Variants in RNGTT observed in about 807,000 individuals in gnomAD.
The protein encoded by RNGTT is mRNA-capping enzyme.
A neutral mutation model predicts 79.3 loss-of-function variants in RNGTT; 33 were observed. The observed-to-expected ratio is 0.42, with a 90% CI of 0.32 to 0.56. The LOEUF (loss-of-function observed/expected upper bound fraction) is 0.56, where lower values mean the gene tolerates loss of function less well. Among genes scored for constraint, RNGTT ranks in the 20% least tolerant of loss-of-function variants. The probability of loss-of-function intolerance (pLI) is 0.17; values close to 1 mark genes in which losing one functional copy is unlikely to be tolerated. For missense variants in RNGTT, 497 were observed against 739.1 expected (o/e 0.67, Z 3.80); for synonymous variants, 222 against 235.9 (o/e 0.94, Z 0.54).
intron 6 of RNGTT, among the ~76,000 whole-genome samples, chr6:88,901,021 A>G (rs144565937): frequency 0.022 from 3,309 of 151,792 alleles, 121 homozygotes; most frequent in African/African-American, 0.076. Context: ...GCACACCTGT[A>G]ATCCTAGCTA....
intron 12 of RNGTT, among the ~76,000 whole-genome samples, chr6:88,780,642 C>T (rs1025389403): frequency 6.7e-6 from 1 of 148,688 alleles, no homozygotes; most frequent in South Asian, 2.1e-4. Context: ...CAAAAAAAAA[C>T]TGGGGATATG....
chr6:88,637,308 T>C (rs1249829853), intron 14 of RNGTT, among the ~76,000 whole-genome samples: 1 of 152,096 alleles, frequency 6.6e-6, no homozygotes, highest in Non-Finnish European at 1.5e-5. Context: ...ATTCAATATA[T>C]TCTTTAGCAT....
chr6:88,923,283 G>A (rs891391935), intron 4 of RNGTT, among the ~76,000 whole-genome samples: 1 of 152,132 alleles, frequency 6.6e-6, no homozygotes, highest in African/African-American at 2.4e-5. Flanking sequence ...TGTTACCAAG[G>A]GAAGCTGTGG....
chr6:88,747,090 T>C (rs1211093413), intron 13 of RNGTT, among the ~76,000 whole-genome samples: 3 of 152,064 alleles, frequency 2.0e-5, no homozygotes, highest in African/African-American at 7.2e-5. Flanking sequence ...GGGTTAAGGG[T>C]CATTATAGTA....
intron 4 of RNGTT, among the ~76,000 whole-genome samples, chr6:88,917,260 G>C (rs1334321639): frequency 6.6e-6 from 1 of 151,874 alleles, no homozygotes; most frequent in African/African-American, 2.4e-5. Context: ...TACATTCCTG[G>C]TATAATAAAA....
At chr6:88,681,138 G>A (rs910708788) in intron 13 of RNGTT, among the ~76,000 whole-genome samples, 31 of 152,016 alleles carry the variant, frequency 2.0e-4, no homozygotes, top group African/African-American at 7.2e-4. Flanking sequence ...ACCTCCTTTA[G>A]CAGCAGGAAC....
rs1772064830 is a variant in RNGTT at position 88,612,576 on chromosome 6, A to G, written c.*143T>C. 7.8e-6 allele frequency: 7 copies of G among 893,794 alleles called. No individual in the cohort carries two copies. In the East Asian group the frequency reaches 1.5e-4, roughly 19 times the overall value. The allele number at this position is 893,794 out of a possible 1,614,324, so 55.4% of individuals were successfully genotyped here. ...ATCAAGTATTTACAGGCTGGCTACG[A>G]TAACTTTCTTTTTTTAAAAAAAATT... On this transcript the variant is annotated 3_prime_UTR_variant, in exon 16 of 16. Coordinates refer to ENST00000369485, the MANE Select transcript of RNGTT (RefSeq NM_003800.5).
intron 8 of RNGTT, among the ~76,000 whole-genome samples, chr6:88,855,511 AG>A (rs1781816175): frequency 1.3e-5 from 2 of 151,210 alleles, no homozygotes; most frequent in Non-Finnish European, 3.0e-5. Context: ...AAAAAAAAAA[AG>A]TGAAAAAAGA....
At chr6:88,695,510 T>A (rs2756355) in intron 13 of RNGTT, among the ~76,000 whole-genome samples, 40,205 of 151,994 alleles carry the variant, frequency 0.26, 9,256 homozygotes, top group African/African-American at 0.63. Flanking sequence ...AGATAACCAG[T>A]TTTTGCAAGG....
intron 13 of RNGTT, among the ~76,000 whole-genome samples, chr6:88,765,191 CA>C (rs11286162): frequency 0.23 from 19,614 of 84,288 alleles, 1,272 homozygotes; most frequent in Middle Eastern, 0.39. Context: ...GACTCCATCT[CA>C]AAAAAAAAAA....
chr6:88,954,259 C>T (rs549410876), intron 1 of RNGTT, among the ~76,000 whole-genome samples: 2 of 152,152 alleles, frequency 1.3e-5, no homozygotes, highest in South Asian at 4.1e-4. Context: ...TGCATAAGGA[C>T]TCACATAAAC....
chr6:88,935,089 T>A (rs911326177), intron 2 of RNGTT, among the ~76,000 whole-genome samples: 4 of 152,198 alleles, frequency 2.6e-5, no homozygotes, highest in African/African-American at 7.2e-5. Flanking sequence ...CTTTAATCCA[T>A]CTTGATTTGA....
chr6:88,702,834 T>C (rs1775991711), intron 13 of RNGTT, among the ~76,000 whole-genome samples: 1 of 151,950 alleles, frequency 6.6e-6, no homozygotes, highest in Non-Finnish European at 1.5e-5. Context: ...AATCTATCAG[T>C]AACTGAAACA....
intron 5 of RNGTT, among the ~76,000 whole-genome samples, chr6:88,905,937 G>A (rs1783639017): frequency 6.6e-6 from 1 of 152,138 alleles, no homozygotes. Context: ...TTTAGCCCAG[G>A]AATTCAAGAT....
At chr6:88,941,725 G>A (rs868549167) in intron 1 of RNGTT, among the ~76,000 whole-genome samples, 6 of 150,100 alleles carry the variant, frequency 4.0e-5, no homozygotes, top group Non-Finnish European at 5.9e-5. Context: ...GTGCAGTGGC[G>A]CAATCTCGGC....
intron 14 of RNGTT, among the ~76,000 whole-genome samples, chr6:88,650,276 T>C (rs146163602): frequency 6.6e-6 from 1 of 152,228 alleles, no homozygotes; most frequent in African/African-American, 2.4e-5. Context: ...TTCATTCTTT[T>C]GCTAAACTAT....
chr6:88,693,035 A>G (rs529716175), intron 13 of RNGTT, among the ~76,000 whole-genome samples: 196 of 152,072 alleles, frequency 1.3e-3, no homozygotes, highest in African/African-American at 4.5e-3. Flanking sequence ...AAACACCTAG[A>G]GCAAAAAAGA....
At chr6:88,897,495 C>T (rs1242967736) in intron 6 of RNGTT, among the ~76,000 whole-genome samples, 2 of 152,198 alleles carry the variant, frequency 1.3e-5, no homozygotes, top group Non-Finnish European at 2.9e-5. Context: ...ACTTCATTGA[C>T]TTCACTAGCT....
intron 13 of RNGTT, among the ~76,000 whole-genome samples, chr6:88,689,611 T>G (rs1775406908): frequency 7.2e-6 from 1 of 138,586 alleles, no homozygotes; most frequent in Admixed American, 7.0e-5. Flanking sequence ...AAAAAAAAAG[T>G]CTATACCAAT....
Sources: gnomAD v4.1 joint callset for allele counts (sites outside exome capture counted in the v4.1 genomes callset) on GRCh38, gnomAD v4.1.1 for gene constraint, MANE v1.5 for transcripts, NCBI Gene and HGNC (gene_info 2026-07-23, HGNC 2026-07-21) for gene names.